The following PCDHA3 variants were observed in gnomAD, a reference collection of about 807,000 sequenced individuals.
PCDHA3 encodes protocadherin alpha-3.
PCDHA3 carries 41 observed loss-of-function variants against 62.2 expected under a neutral mutation model. The observed-to-expected ratio is 0.66, with a 90% confidence interval of 0.51 to 0.86. The LOEUF (loss-of-function observed/expected upper bound fraction) is 0.86, where lower values mean the gene tolerates loss of function less well. Among genes scored for constraint, PCDHA3 ranks in the 40% least tolerant of loss-of-function variants. The probability of loss-of-function intolerance (pLI) is 0.00; values close to 1 mark genes in which losing one functional copy is unlikely to be tolerated. For synonymous variants in PCDHA3, 640 were observed against 555.4 expected, an observed-to-expected ratio of 1.15 and a Z score of -2.14; for missense variants, 1,304 against 1,241.2, an observed-to-expected ratio of 1.05 and a Z score of -0.76.
intron 1 of PCDHA3, chr5:140,883,601 G>T: frequency 1.2e-6 from 2 of 1,614,022 alleles, no homozygotes; most frequent in Non-Finnish European, 1.7e-6. Flanking sequence ...GTCGGTGGGG[G>T]TGGCCGACGT....
chr5:140,803,410 C>G lies in PCDHA3; in HGVS notation c.2213C>G (p.Thr738Arg), dbSNP rs369771411. 2 of 1,614,236 alleles carry G rather than the reference C, an allele frequency of 1.2e-6. No individual in the cohort carries two copies. Among genetic ancestry groups the G allele is most frequent in the African/African-American group, 2.7e-5 (2 of 75,062 alleles). The change falls in exon 1 of 4, where the codon ACG becomes AGG. Residue 738 changes from threonine to arginine, a missense_variant. Transcript: ENST00000522353. The stretch of plus-strand genomic sequence containing the variant: ...GGCGACTGTGGGCCGGGCAAGCCCA[C>G]GCTGGTGTGCTCCAGCGCGGTGGGG... ...TEGDCGPGKP[T>R]LVCSSAVGSW...
At chr5:140,876,223 T>C (rs2056212607) in intron 1 of PCDHA3, 2 of 1,613,782 alleles carry the variant, frequency 1.2e-6, no homozygotes, top group Non-Finnish European at 1.7e-6. Flanking sequence ...TAAAGTAGTG[T>C]TGTCTGAAAA....
At chr5:140,807,477 G>C (rs111900306) in intron 1 of PCDHA3, 17 of 1,613,078 alleles carry the variant, frequency 1.1e-5, no homozygotes, top group Non-Finnish European at 1.4e-5. Flanking sequence ...GAGCTGTGCC[G>C]GCGGAGCGCG....
intron 1 of PCDHA3, chr5:140,853,670 T>G: frequency 1.0e-6 from 1 of 988,378 alleles, no homozygotes; most frequent in Non-Finnish European, 1.2e-6. Flanking sequence ...AATTGGGGCC[T>G]ATGGTCAACC....
Position 140,862,212 on chromosome 5 carries a change from G to T in PCDHA3, c.2394+58621G>T, listed in dbSNP as rs2047258044. ...TTCCCCAATGTTTGATCACTGCACA[G>T]ACTTGATAGAAGTCTTGGACATCAA... On this transcript the variant is annotated intron_variant, in intron 1 of 3. Transcript: ENST00000522353. The T allele has an allele frequency of 2.0e-5, 4 of 203,790 alleles. No homozygotes were observed. In the South Asian group the frequency reaches 4.0e-4, roughly 20 times the overall value. The allele number at this position is 203,790 out of a possible 1,614,324, so 12.6% of individuals were successfully genotyped here.
At chr5:140,951,941 C>T (rs576414648) in intron 1 of PCDHA3, among the ~76,000 whole-genome samples, 8 of 152,220 alleles carry the variant, frequency 5.3e-5, no homozygotes, top group African/African-American at 1.4e-4. Flanking sequence ...AGATACAGTG[C>T]GGGTACAGGC....
intron 1 of PCDHA3, chr5:140,857,563 C>A (rs782037850): frequency 1.3e-6 from 2 of 1,596,904 alleles, no homozygotes; most frequent in Non-Finnish European, 8.6e-7. Flanking sequence ...CGCTGTCGAG[C>A]TACGTGTCGG....
chr5:140,994,515 C>A (rs1450335712), intron 3 of PCDHA3, among the ~76,000 whole-genome samples: 1 of 150,238 alleles, frequency 6.7e-6, no homozygotes, highest in African/African-American at 2.5e-5. Context: ...ACAGCCTGGG[C>A]AACATGGCAA....
At chr5:140,910,428 G>A (rs2075029085) in intron 1 of PCDHA3, among the ~76,000 whole-genome samples, 1 of 152,130 alleles carries the variant, frequency 6.6e-6, no homozygotes, top group Admixed American at 6.5e-5. Flanking sequence ...TATTCCCATT[G>A]CATTTAAGTT....
At chr5:140,983,171 C>T (rs1371766725) in intron 3 of PCDHA3, among the ~76,000 whole-genome samples, 2 of 152,136 alleles carry the variant, frequency 1.3e-5, no homozygotes, top group Non-Finnish European at 2.9e-5. Flanking sequence ...AACATGACCG[C>T]CTCACAATTT....
chr5:140,809,935 T>G (rs1764570096), intron 1 of PCDHA3: 1 of 166,918 alleles, frequency 6.0e-6, no homozygotes, highest in Non-Finnish European at 1.3e-5. Context: ...ATAAATTGTA[T>G]GAAAGTGAAA....
At position 140,869,969 on chromosome 5, in the gene PCDHA3, G is replaced by A. The variant is rs147407508; in HGVS notation, c.2394+66378G>A. 57 of 1,613,134 alleles carry A rather than the reference G, an allele frequency of 3.5e-5. No individual in the cohort carries two copies. In the African/African-American group the frequency reaches 7.1e-4, roughly 20 times the overall value. On this transcript the variant is annotated intron_variant, in intron 1 of 3. Coordinates refer to ENST00000522353, the MANE Select transcript of PCDHA3 (RefSeq NM_018906.3). Reference sequence around the variant, plus strand: ...TTAATGTCAATTAAGCCCAATGGAAGACACTTATTTACACTAGATCAAAAT... The same window carrying A: ...TTAATGTCAATTAAGCCCAATGGAAAACACTTATTTACACTAGATCAAAAT...
intron 1 of PCDHA3, chr5:140,848,054 T>TA (rs1554141984): frequency 1.2e-5 from 2 of 162,052 alleles, no homozygotes; most frequent in African/African-American, 4.9e-5. Context: ...TTTTAATTGT[T>TA]ACTTCATTTC....
intron 1 of PCDHA3, among the ~76,000 whole-genome samples, chr5:140,900,920 T>G (rs539511607): frequency 2.0e-5 from 3 of 152,204 alleles, no homozygotes; most frequent in Non-Finnish European, 4.4e-5. Context: ...TAAGATGATA[T>G]CTCATTGTAG....
At chr5:140,823,972 C>A (rs140039635) in intron 1 of PCDHA3, 3 of 1,614,108 alleles carry the variant, frequency 1.9e-6, no homozygotes, top group Non-Finnish European at 2.5e-6. Flanking sequence ...CGTGTGCACA[C>A]GGGGCAAGCC....
At chr5:140,942,737 A>C (rs180744405) in intron 1 of PCDHA3, among the ~76,000 whole-genome samples, 1 of 152,354 alleles carries the variant, frequency 6.6e-6, no homozygotes, top group East Asian at 1.9e-4. Context: ...AAAATATTTT[A>C]AAATCTTGTA....
At chr5:140,917,281 T>A (rs1354421886) in intron 1 of PCDHA3, among the ~76,000 whole-genome samples, 1 of 151,298 alleles carries the variant, frequency 6.6e-6, no homozygotes, top group Admixed American at 6.6e-5. Context: ...GTAATGACGC[T>A]TTTCCGTGTG....
At chr5:140,891,432 C>T (rs183679) in intron 1 of PCDHA3, among the ~76,000 whole-genome samples, 69,006 of 149,136 alleles carry the variant, frequency 0.46, 16,159 homozygotes, top group South Asian at 0.58. Context: ...AAGTCCCCAA[C>T]GTCCATTGTA....
At chr5:140,824,561 C>G (rs1768165211) in intron 1 of PCDHA3, 1 of 173,514 alleles carries the variant, frequency 5.8e-6, no homozygotes, top group South Asian at 1.7e-4. Flanking sequence ...AAGTGATCCT[C>G]CTATCTCAGC....
Sources: gnomAD v4.1 joint callset for allele counts (sites outside exome capture counted in the v4.1 genomes callset) on GRCh38, gnomAD v4.1.1 for gene constraint, MANE v1.5 for transcripts, NCBI Gene and HGNC (gene_info 2026-07-23, HGNC 2026-07-21) for gene names.